ASPH: variants seen among roughly 807,000 people sequenced by gnomAD.
ASPH encodes the protein aspartate beta-hydroxylase, also known as aspartyl/asparaginyl beta-hydroxylase.
Under a neutral mutation model 118.4 loss-of-function variants are expected in ASPH, and 100 were observed. The ratio of observed to expected loss-of-function variants is 0.84; its 90% CI spans 0.72 to 1.00. The LOEUF is 1.00. ASPH is among the 50% of genes least tolerant of loss of function. ASPH has a pLI of 0.00. For synonymous variants in ASPH, 315 were observed against 325.6 expected (o/e 0.97, Z 0.35); for missense variants, 920 against 919.5 (o/e 1.00, Z -0.01).
At chr8:61,580,278 T>C (rs2132347431) in intron 15 of ASPH, among the ~76,000 whole-genome samples, 1 of 152,362 alleles carries the variant, frequency 6.6e-6, no homozygotes, top group East Asian at 1.9e-4. Flanking sequence ...GTGGGGACTC[T>C]ATGTGGGGGA....
intron 22 of ASPH, among the ~76,000 whole-genome samples, chr8:61,521,745 A>G (rs749710259): frequency 6.6e-6 from 1 of 152,244 alleles, no homozygotes; most frequent in Non-Finnish European, 1.5e-5. Context: ...AGCTCTAGAA[A>G]GAGATCTAAC....
chr8:61,582,758 T>G (rs1195974448), intron 15 of ASPH, among the ~76,000 whole-genome samples: 1 of 152,236 alleles, frequency 6.6e-6, no homozygotes, highest in East Asian at 1.9e-4. Flanking sequence ...TATTGTTGTT[T>G]GTTTACTTAA....
At position 61,531,530 on chromosome 8, in the gene ASPH, AT is replaced by A. The variant is rs201230087; in HGVS notation, c.1765-5419del. 3.3e-5 allele frequency among the ~76,000 whole-genome samples: 5 copies of A among 151,756 alleles called. No homozygotes were observed. In the South Asian group the frequency reaches 8.4e-4, roughly 25 times the overall value. On this transcript the variant is annotated intron_variant, in intron 21 of 24. Transcript: ENST00000379454. ...AGTTAGTAAATAATTTTGTTTTATA[AT>A]TTTTTTCTTGTTATCTAGTGTGATA... is the stretch of plus-strand genomic sequence containing the variant.
rs538415532 is a variant in ASPH, at chr8:61,690,198, C to T, written c.104-6010G>A. ...CCTTCAGAATCTAATAAAATGGCTA[C>T]AAGGAAAGACCATTAGATTGCTTGA... On this transcript the variant is annotated intron_variant, in intron 1 of 24. Coordinates refer to ENST00000379454, the MANE Select transcript of ASPH (RefSeq NM_004318.4). Among the ~76,000 whole-genome samples, 7 of 152,206 alleles carry T rather than the reference C, an allele frequency of 4.6e-5. No homozygotes were observed. In the East Asian group the frequency reaches 1.4e-3, roughly 29 times the overall value.
In ASPH at chr8:61,570,967, C is replaced by T. The variant is rs892025246; in HGVS notation, c.1150-3649G>A. On this transcript the variant is annotated intron_variant, in intron 16 of 24. Transcript: ENST00000379454. ...TATGAAGAAAAAGACAATATCAGTG[C>T]TACTTTAGAAATGAGAGATACTATA... Among the ~76,000 whole-genome samples the T allele has an allele frequency of 2.6e-5, 4 of 152,188 alleles. No individual in the cohort carries two copies. In the East Asian group the frequency reaches 7.7e-4, roughly 29 times the overall value.
chr8:61,701,435 C>T (rs1267488987), intron 1 of ASPH, among the ~76,000 whole-genome samples: 3 of 152,164 alleles, frequency 2.0e-5, no homozygotes, highest in Non-Finnish European at 2.9e-5. Context: ...AGCTTGGGTA[C>T]TTATTAACAC....
intron 3 of ASPH, chr8:61,658,661 T>A (rs1688114142): frequency 6.6e-6 from 1 of 152,072 alleles, no homozygotes; most frequent in Non-Finnish European, 1.5e-5. Flanking sequence ...TTCCAAAAAT[T>A]TACCATTTCA....
intron 1 of ASPH, among the ~76,000 whole-genome samples, chr8:61,694,824 A>G (rs1396153232): frequency 1.3e-5 from 2 of 152,208 alleles, no homozygotes; most frequent in African/African-American, 2.4e-5. Context: ...ATGACTTACA[A>G]AAACCTCAAA....
intron 14 of ASPH, among the ~76,000 whole-genome samples, chr8:61,598,914 T>C (rs1332889204): frequency 1.3e-5 from 2 of 151,478 alleles, no homozygotes; most frequent in African/African-American, 4.9e-5. Context: ...AATGAAAAAA[T>C]TAAGAAGGAA....
intron 14 of ASPH, among the ~76,000 whole-genome samples, chr8:61,591,542 C>A (rs1323716336): frequency 6.6e-6 from 1 of 152,144 alleles, no homozygotes; most frequent in Non-Finnish European, 1.5e-5. Context: ...CAAGGCACAA[C>A]TAACAGTAAA....
intron 17 of ASPH, among the ~76,000 whole-genome samples, chr8:61,563,447 A>C (rs1201572485): frequency 6.6e-6 from 1 of 152,180 alleles, no homozygotes; most frequent in Admixed American, 6.5e-5. Flanking sequence ...TCGTGGACAA[A>C]GGCATACTTT....
At chr8:61,622,854 C>T (rs572764730) in intron 13 of ASPH, among the ~76,000 whole-genome samples, 1 of 152,240 alleles carries the variant, frequency 6.6e-6, no homozygotes, top group African/African-American at 2.4e-5. Flanking sequence ...CACAGTACTC[C>T]GCAGAGTGGG....
rs1448546126 is a variant in ASPH, at chr8:61,680,998, A to T, written c.292T>A (p.Phe98Ile). Residue 98 changes from phenylalanine to isoleucine, a missense_variant, in exon 3 of 25, where the codon TTT becomes ATT. Transcript: ENST00000379454. The stretch of plus-strand genomic sequence containing the variant: ...AAAACTTTGGCATCATCCACATCAA[A>T]ATCTCCATCACCATCAGCATCATAG... Reference protein sequence around the residue: ...GIYDADGDGDFDVDDAKVLLG... With the variant: ...GIYDADGDGDIDVDDAKVLLG... 1 of 1,605,920 alleles carries T rather than the reference A, an allele frequency of 6.2e-7. No homozygotes were observed. The highest frequency in any genetic ancestry group is 1.7e-5 in the Admixed American group (1 of 59,222).
intron 20 of ASPH, among the ~76,000 whole-genome samples, chr8:61,549,639 A>T (rs1409991914): frequency 6.6e-6 from 1 of 152,178 alleles, no homozygotes; most frequent in Non-Finnish European, 1.5e-5. Flanking sequence ...AAAAAATAGC[A>T]TATATCTCTG....
In ASPH at chr8:61,643,420, T is replaced by C. The variant is rs1806240018; in HGVS notation, c.723A>G (p.Pro241=). 1.2e-6 allele frequency: 2 copies of C among 1,604,750 alleles called. No homozygotes were observed. Among genetic ancestry groups the C allele is most frequent in the Non-Finnish European group, 1.7e-6 (2 of 1,179,590 alleles). Residue 241 remains proline (P), a synonymous_variant, in exon 9 of 25, where the codon CCA becomes CCG. Transcript: ENST00000379454. ...SEQENPDSSE[P]VVEDERLHHD... Reference sequence around the variant, plus strand: ...GGTGCAATCTTTCATCTTCTACTACTGGTTCACTGGAATCTAAAAAACAAA... The same window carrying C: ...GGTGCAATCTTTCATCTTCTACTACCGGTTCACTGGAATCTAAAAAACAAA...
intron 14 of ASPH, among the ~76,000 whole-genome samples, chr8:61,603,382 A>G (rs146926852): frequency 2.6e-5 from 4 of 152,282 alleles, no homozygotes; most frequent in African/African-American, 9.6e-5. Flanking sequence ...GTGTGAAACA[A>G]ATCAGAACTT....
At chr8:61,579,909 C>CAAAAAAA (rs35492301) in intron 15 of ASPH, among the ~76,000 whole-genome samples, 1 of 49,446 alleles carries the variant, frequency 2.0e-5, no homozygotes, top group South Asian at 6.5e-4. Context: ...CTGCCAATGT[C>CAAAAAAA]AAAAAAAAAA....
chr8:61,542,556 T>C, intron 21 of ASPH, among the ~76,000 whole-genome samples: 1 of 152,236 alleles, frequency 6.6e-6, no homozygotes, highest in East Asian at 1.9e-4. Context: ...TACATCTTTC[T>C]ATGCTATAAG....
chr8:61,512,419 G>C (rs924609292), intron 24 of ASPH, among the ~76,000 whole-genome samples: 2 of 152,190 alleles, frequency 1.3e-5, no homozygotes, highest in Admixed American at 1.3e-4. Flanking sequence ...AGGGACTGAA[G>C]TGACGTGTCT....
Sources: gnomAD v4.1 joint callset for allele counts (sites outside exome capture counted in the v4.1 genomes callset) on GRCh38, gnomAD v4.1.1 for gene constraint, MANE v1.5 for transcripts, NCBI Gene and HGNC (gene_info 2026-07-23, HGNC 2026-07-21) for gene names.